Variants in ADK observed in about 807,000 individuals in gnomAD.
The protein encoded by ADK is adenosine kinase, also known as N6,N6-dimethyladenosine kinase.
In ADK, 24 loss-of-function variants were observed where a neutral mutation model predicts 44.7. The ratio of observed to expected loss-of-function variants is 0.54; its 90% CI spans 0.39 to 0.76. The LOEUF is 0.76. ADK is among the 30% of genes least tolerant of loss of function. The pLI is 0.00. For missense variants in ADK, 321 were observed against 425.1 expected (o/e 0.76, Z 2.15); for synonymous variants, 128 against 142.6 (o/e 0.90, Z 0.73).
chr10:74,477,940 T>C (rs1010225006), intron 6 of ADK, among the ~76,000 whole-genome samples: 2 of 152,258 alleles, frequency 1.3e-5, no homozygotes, highest in Non-Finnish European at 2.9e-5. Context: ...AGAAACTATA[T>C]TTCCCAAATT....
At chr10:74,312,499 C>A (rs559066884) in intron 3 of ADK, among the ~76,000 whole-genome samples, 147 of 149,526 alleles carry the variant, frequency 9.8e-4, no homozygotes, top group African/African-American at 3.1e-3. Flanking sequence ...AAAAATTGCA[C>A]ATTTATTTTA....
rs143288447 is a variant in ADK, at chr10:74,388,992, T to A, written c.274-5149T>A. 2.3e-3 allele frequency among the ~76,000 whole-genome samples: 353 copies of A among 152,334 alleles called. 2 individuals carry two copies. The highest frequency in any genetic ancestry group is 8.2e-3 in the African/African-American group (342 of 41,572). ...GGAACTTGCCTCCTGGCAGAGTACC[T>A]GCATGATGTCAGGGCACACCTTGTT... On this transcript the variant is annotated intron_variant, in intron 4 of 10. Coordinates refer to ENST00000539909, the MANE Select transcript of ADK (RefSeq NM_006721.4).
chr10:74,632,883 C>T (rs1475587600), intron 9 of ADK, among the ~76,000 whole-genome samples: 1 of 152,038 alleles, frequency 6.6e-6, no homozygotes, highest in Non-Finnish European at 1.5e-5. Flanking sequence ...TCTTATTTCT[C>T]CTTCCTTTTT....
At chr10:74,681,393 A>G (rs767931766) in intron 10 of ADK, among the ~76,000 whole-genome samples, 1 of 152,244 alleles carries the variant, frequency 6.6e-6, no homozygotes, top group Non-Finnish European at 1.5e-5. Flanking sequence ...TAGGAAAACC[A>G]TGACCTATTC....
At chr10:74,676,326 T>A (rs1025017972) in intron 10 of ADK, among the ~76,000 whole-genome samples, 2 of 151,960 alleles carry the variant, frequency 1.3e-5, no homozygotes, top group Non-Finnish European at 2.9e-5. Context: ...GATGGAGTTT[T>A]GCCATGTTGG....
intron 10 of ADK, among the ~76,000 whole-genome samples, chr10:74,695,206 A>G (rs1313435124): frequency 2.0e-5 from 3 of 152,170 alleles, no homozygotes; most frequent in African/African-American, 7.2e-5. Context: ...CAGTAAGTGT[A>G]TATGCCTGTT....
chr10:74,394,382 A>G (rs1843439462), intron 5 of ADK, 69 bp downstream of exon 5: 9 of 1,452,362 alleles, frequency 6.2e-6, no homozygotes, highest in South Asian at 4.6e-5. Flanking sequence ...ATGAATTCCA[A>G]TGTGAATTTG....
chr10:74,643,334 A>G (rs917652593), intron 9 of ADK, among the ~76,000 whole-genome samples: 2 of 152,148 alleles, frequency 1.3e-5, no homozygotes, highest in Non-Finnish European at 2.9e-5. Context: ...TTTTACCCAT[A>G]GGTTCTAGTT....
rs186629675 is a variant in ADK at position 74,609,215 on chromosome 10, C to T, written c.877+8722C>T. Among the ~76,000 whole-genome samples, 109 of 152,280 alleles carry T rather than the reference C, an allele frequency of 7.2e-4. 1 individual carries two copies. The highest frequency in any genetic ancestry group is 2.6e-3 in the African/African-American group (107 of 41,566). ...CCGCTGAGCTAGACCACTTGGCTCCCTGGCTTTATCCCCCTTTCCAGGGGA... is the reference window on the plus strand; with the variant it reads ...CCGCTGAGCTAGACCACTTGGCTCCTTGGCTTTATCCCCCTTTCCAGGGGA... On this transcript the variant is annotated intron_variant, in intron 9 of 10. Transcript: ENST00000539909.
At chr10:74,556,369 G>C (rs1850246940) in intron 7 of ADK, among the ~76,000 whole-genome samples, 1 of 152,188 alleles carries the variant, frequency 6.6e-6, no homozygotes, top group Non-Finnish European at 1.5e-5. Flanking sequence ...AACCTTCTCA[G>C]TGCAGATAGC....
intron 6 of ADK, among the ~76,000 whole-genome samples, chr10:74,406,062 T>C (rs1055680390): frequency 6.6e-6 from 1 of 152,240 alleles, no homozygotes; most frequent in Non-Finnish European, 1.5e-5. Context: ...CAGTTCTCCT[T>C]ATACCATATT....
At chr10:74,690,016 G>A (rs1160774956) in intron 10 of ADK, among the ~76,000 whole-genome samples, 1 of 152,052 alleles carries the variant, frequency 6.6e-6, no homozygotes, top group Admixed American at 6.5e-5. Flanking sequence ...CTGGTTCAGG[G>A]AACACGCTTT....
chr10:74,600,831 C>T (rs1319073193), intron 9 of ADK, among the ~76,000 whole-genome samples: 1 of 151,870 alleles, frequency 6.6e-6, no homozygotes, highest in Non-Finnish European at 1.5e-5. Context: ...TAAATTTACT[C>T]AATTATGAAC....
chr10:74,177,918 C>A (rs1842401655), intron 1 of ADK, among the ~76,000 whole-genome samples: 3 of 119,480 alleles, frequency 2.5e-5, no homozygotes, highest in South Asian at 5.1e-4. Context: ...TCTTAAATTG[C>A]ATAATTATAT....
chr10:74,457,615 C>G (rs1004967936), intron 6 of ADK, among the ~76,000 whole-genome samples: 2 of 152,178 alleles, frequency 1.3e-5, no homozygotes, highest in Non-Finnish European at 2.9e-5. Flanking sequence ...TTGGAACCAA[C>G]CCAAATGCCC....
At chr10:74,424,911 C>T (rs548266060) in intron 6 of ADK, among the ~76,000 whole-genome samples, 2 of 152,102 alleles carry the variant, frequency 1.3e-5, no homozygotes, top group Non-Finnish European at 2.9e-5. Context: ...CTCATATATA[C>T]AATCCTCTTG....
intron 6 of ADK, among the ~76,000 whole-genome samples, chr10:74,480,552 T>A (rs923799643): frequency 6.6e-6 from 1 of 152,114 alleles, no homozygotes; most frequent in African/African-American, 2.4e-5. Flanking sequence ...GTTTTAGGAT[T>A]ATAGGCATGA....
At chr10:74,244,439 A>G (rs1845338722) in intron 3 of ADK, among the ~76,000 whole-genome samples, 1 of 152,184 alleles carries the variant, frequency 6.6e-6, no homozygotes, top group Admixed American at 6.5e-5. Context: ...TGTGTTTAGT[A>G]CTGTATGTTT....
At chr10:74,199,871 G>C (rs868768247) in intron 1 of ADK, among the ~76,000 whole-genome samples, 2 of 151,646 alleles carry the variant, frequency 1.3e-5, no homozygotes, top group South Asian at 2.1e-4. Flanking sequence ...ATACAGATGG[G>C]GTTTCACCTT....
Sources: gnomAD v4.1 joint callset for allele counts (sites outside exome capture counted in the v4.1 genomes callset) on GRCh38, gnomAD v4.1.1 for gene constraint, MANE v1.5 for transcripts, NCBI Gene and HGNC (gene_info 2026-07-23, HGNC 2026-07-21) for gene names.